CSMD1: variants seen among roughly 807,000 people sequenced by gnomAD.
CSMD1 encodes the protein CUB and sushi domain-containing protein 1.
CSMD1 carries 213 observed loss-of-function variants against 417.5 expected under a neutral mutation model. The ratio of observed to expected loss-of-function variants is 0.51; its 90% CI spans 0.46 to 0.57. The LOEUF (loss-of-function observed/expected upper bound fraction) is 0.57, where lower values mean the gene tolerates loss of function less well. CSMD1 is among the 20% of genes least tolerant of loss of function. CSMD1 has a pLI of 0.00. For synonymous variants in CSMD1, 2,862 were observed against 1,736.8 expected (o/e 1.65, Z -16.11); for missense variants, 6,923 against 4,529.7 (o/e 1.53, Z -15.17).
At chr8:3,768,750 C>A (rs1169795078) in intron 5 of CSMD1, among the ~76,000 whole-genome samples, 2 of 152,216 alleles carry the variant, frequency 1.3e-5, no homozygotes, top group African/African-American at 2.4e-5. Flanking sequence ...GGATGTATCC[C>A]ACATTATTGA....
intron 3 of CSMD1, among the ~76,000 whole-genome samples, chr8:4,406,121 A>G (rs1207658874): frequency 1.3e-5 from 2 of 152,204 alleles, no homozygotes; most frequent in African/African-American, 4.8e-5. Flanking sequence ...GGAACCAAAC[A>G]GCTGTCAGAT....
intron 2 of CSMD1, among the ~76,000 whole-genome samples, chr8:4,475,828 G>T (rs1800774055): frequency 6.6e-6 from 1 of 152,022 alleles, no homozygotes; most frequent in South Asian, 2.1e-4. Flanking sequence ...GACCAGGCTG[G>T]TCTCAAACTC....
At chr8:3,395,459 T>C (rs1376485809) in intron 17 of CSMD1, among the ~76,000 whole-genome samples, 2 of 152,184 alleles carry the variant, frequency 1.3e-5, no homozygotes, top group East Asian at 1.9e-4. Context: ...AGAAGTATAT[T>C]TGCATAAATA....
intron 33 of CSMD1, 147 bp downstream of exon 33, chr8:3,199,567 T>G (rs374301842): frequency 2.7e-6 from 1 of 367,326 alleles, no homozygotes; most frequent in East Asian, 4.2e-5. Flanking sequence ...TTAAATAATT[T>G]TATTATAAAC....
At chr8:3,548,697 CACA>C (rs1798782234) in intron 10 of CSMD1, among the ~76,000 whole-genome samples, 1 of 150,456 alleles carries the variant, frequency 6.6e-6, no homozygotes, top group East Asian at 2.0e-4. Flanking sequence ...CACACACACA[CACA>C]CCATGGTTTC....
At chr8:4,337,311 T>A (rs897410158) in intron 3 of CSMD1, among the ~76,000 whole-genome samples, 1 of 152,080 alleles carries the variant, frequency 6.6e-6, no homozygotes, top group Non-Finnish European at 1.5e-5. Context: ...GCCATGAAGA[T>A]CAAAATTTCT....
chr8:3,516,755 C>G lies in CSMD1; in HGVS notation c.1345-23029G>C, dbSNP rs1414140804. On this transcript the variant is annotated intron_variant, in intron 10 of 69. Transcript: ENST00000635120. ...GCATGCCTCACCACAGCAGTATACA[C>G]TGCACCTTATCTGTAGTTACATAAC... is the stretch of plus-strand genomic sequence containing the variant. Among the ~76,000 whole-genome samples, 3 of 152,138 alleles carry G rather than the reference C, an allele frequency of 2.0e-5. No individual in the cohort carries two copies. The East Asian group carries it at 5.8e-4, about 29-fold the overall frequency.
intron 1 of CSMD1, among the ~76,000 whole-genome samples, chr8:4,746,141 C>A (rs1047182083): frequency 6.6e-6 from 1 of 152,130 alleles, no homozygotes; most frequent in African/African-American, 2.4e-5. Context: ...CTCTTTGGGC[C>A]CTGTTTCTTG....
At chr8:3,182,840 A>AG (rs746430415) in intron 36 of CSMD1, among the ~76,000 whole-genome samples, 1 of 45,168 alleles carries the variant, frequency 2.2e-5, no homozygotes, top group Non-Finnish European at 3.9e-5. Flanking sequence ...CTTTATAAGA[A>AG]GGTGTGTGTG....
chr8:4,171,530 C>T (rs1358929187), intron 3 of CSMD1, among the ~76,000 whole-genome samples: 1 of 151,772 alleles, frequency 6.6e-6, no homozygotes, highest in East Asian at 1.9e-4. Context: ...CTTTAGTTGA[C>T]ACTTAACAAA....
intron 3 of CSMD1, among the ~76,000 whole-genome samples, chr8:4,087,537 G>C (rs547127911): frequency 4.6e-5 from 7 of 152,232 alleles, no homozygotes; most frequent in African/African-American, 1.7e-4. Flanking sequence ...AGCAAGGCGA[G>C]GCTTTCCCTG....
chr8:4,292,979 A>G (rs1351767361), intron 3 of CSMD1, among the ~76,000 whole-genome samples: 1 of 152,216 alleles, frequency 6.6e-6, no homozygotes, highest in East Asian at 1.9e-4. Context: ...AAAGACGTGA[A>G]CAGTCTCTTT....
chr8:3,968,249 G>A (rs1380510268), intron 5 of CSMD1, among the ~76,000 whole-genome samples: 1 of 151,918 alleles, frequency 6.6e-6, no homozygotes, highest in Non-Finnish European at 1.5e-5. Context: ...ATTTCTCAAT[G>A]TACTTTGTTT....
rs141134403 is a variant in CSMD1, at chr8:3,969,572, C to T, written c.818+28331G>A. Among the ~76,000 whole-genome samples, 420 of 152,106 alleles carry T rather than the reference C, an allele frequency of 2.8e-3. 5 individuals carry two copies. The highest frequency in any genetic ancestry group is 8.8e-3 in the African/African-American group (366 of 41,482). ...AAAATCCACATCAGAAAATAGGTGACGGCATAATTGAAATTTCATTCCATC... is the reference window on the plus strand; with the variant it reads ...AAAATCCACATCAGAAAATAGGTGATGGCATAATTGAAATTTCATTCCATC... On this transcript the variant is annotated intron_variant, in intron 5 of 69. Coordinates refer to ENST00000635120, the MANE Select transcript of CSMD1 (RefSeq NM_033225.6).
chr8:4,192,588 G>A (rs568734708), intron 3 of CSMD1, among the ~76,000 whole-genome samples: 1 of 152,152 alleles, frequency 6.6e-6, no homozygotes, highest in Non-Finnish European at 1.5e-5. Flanking sequence ...CTCTTCATCA[G>A]CTTTGCCCTA....
chr8:4,419,460 A>G (rs577991897), intron 3 of CSMD1, among the ~76,000 whole-genome samples: 3 of 152,178 alleles, frequency 2.0e-5, no homozygotes, highest in East Asian at 1.9e-4. Flanking sequence ...GAAGACATGA[A>G]AACAAATAAG....
At chr8:4,596,220 T>C (rs1295932920) in intron 2 of CSMD1, among the ~76,000 whole-genome samples, 1 of 152,114 alleles carries the variant, frequency 6.6e-6, no homozygotes, top group East Asian at 1.9e-4. Context: ...GAGAACTTGA[T>C]AGGTTAAAAA....
chr8:3,492,227 C>A (rs1276648611), intron 11 of CSMD1, among the ~76,000 whole-genome samples: 1 of 152,042 alleles, frequency 6.6e-6, no homozygotes, highest in East Asian at 1.9e-4. Flanking sequence ...TGTTATTTCC[C>A]CAAGCAACCA....
chr8:4,192,219 A>G (rs1799072938), intron 3 of CSMD1, among the ~76,000 whole-genome samples: 1 of 152,178 alleles, frequency 6.6e-6, no homozygotes, highest in Non-Finnish European at 1.5e-5. Flanking sequence ...AGCAAAGATG[A>G]TTGAATGTTA....
Sources: allele counts gnomAD v4.1 joint callset (sites outside exome capture counted in the v4.1 genomes callset), GRCh38; gene constraint gnomAD v4.1.1; transcripts MANE v1.5; gene names NCBI Gene and HGNC (gene_info 2026-07-23, HGNC 2026-07-21).